The following UBE2W variants were observed in gnomAD, a reference collection of about 807,000 sequenced individuals.
The protein encoded by UBE2W is ubiquitin-conjugating enzyme E2 W.
A neutral mutation model predicts 27.2 loss-of-function variants in UBE2W; 18 were observed. The ratio of observed to expected loss-of-function variants is 0.66; its 90% confidence interval spans 0.46 to 0.98. The LOEUF (loss-of-function observed/expected upper bound fraction) is 0.98. Ranked by LOEUF, UBE2W falls within the 50% of genes least tolerant of loss-of-function variation. The pLI is 0.00. For synonymous variants in UBE2W, 53 were observed against 57.2 expected, an observed-to-expected ratio of 0.93 and a Z score of 0.33; for missense variants, 90 against 180.2, an observed-to-expected ratio of 0.50 and a Z score of 2.87.
chr8:73,811,656 T>C (rs1222192851), intron 3 of UBE2W, among the ~76,000 whole-genome samples: 1 of 152,176 alleles, frequency 6.6e-6, no homozygotes, highest in Non-Finnish European at 1.5e-5. Flanking sequence ...ATTTAGTAAG[T>C]ATAATTAGAT....
At chr8:73,838,847 A>G (rs1393408308) in intron 1 of UBE2W, among the ~76,000 whole-genome samples, 1 of 152,192 alleles carries the variant, frequency 6.6e-6, no homozygotes, top group East Asian at 1.9e-4. Context: ...TAACCTTTGT[A>G]ACATCACTTC....
At chr8:73,831,277 T>C (rs541263808) in intron 1 of UBE2W, 1 of 250,372 alleles carries the variant, frequency 4.0e-6, no homozygotes, top group Non-Finnish European at 7.8e-6. Context: ...GAAGAAAATA[T>C]TTTGTTTTGG....
Position 73,787,482 on chromosome 8 carries a change from T to A in UBE2W, c.*6620A>T. The A allele has an allele frequency of 5.1e-6, 5 of 985,416 alleles. No individual in the cohort carries two copies. Among genetic ancestry groups the A allele is most frequent in the Non-Finnish European group, 6.0e-6 (5 of 829,924 alleles). 61.0% of individuals were successfully genotyped at this position (985,416 alleles called of 1,614,324 possible). A position where few individuals can be genotyped will look rare whatever the true frequency, so the allele number is the denominator to read the frequency against. ...GATGGTTCATATATTTATCTAACCA[T>A]CTACTAACATAGTTGTGTAGGACGG... On this transcript the variant is annotated 3_prime_UTR_variant, in exon 6 of 6. Transcript: ENST00000602593.
chr8:73,836,323 G>C (rs1057436242), intron 1 of UBE2W, among the ~76,000 whole-genome samples: 7 of 152,204 alleles, frequency 4.6e-5, no homozygotes, highest in Non-Finnish European at 1.0e-4. Context: ...CTGAAATAGT[G>C]AGAGAGAAGG....
chr8:73,820,367 A>T (rs1210223250), intron 3 of UBE2W, among the ~76,000 whole-genome samples: 1 of 152,192 alleles, frequency 6.6e-6, no homozygotes, highest in Non-Finnish European at 1.5e-5. Context: ...CTGGCCTCAG[A>T]GTAGTTCTGC....
At chr8:73,812,375 T>C (rs1261544101) in intron 3 of UBE2W, among the ~76,000 whole-genome samples, 2 of 151,900 alleles carry the variant, frequency 1.3e-5, no homozygotes, top group African/African-American at 2.4e-5. Flanking sequence ...ATTACATCTA[T>C]CGGTGCTAGT....
rs1224323919 is a variant in UBE2W, at chr8:73,789,190, A to G, written c.*4912T>C. The G allele has an allele frequency of 3.0e-6, 3 of 984,592 alleles. No homozygotes were observed. In the African/African-American group the frequency reaches 5.3e-5, roughly 17 times the overall value. The allele number at this position is 984,592 out of a possible 1,614,324, so 61.0% of individuals were successfully genotyped here. A position where few individuals can be genotyped will look rare whatever the true frequency, so the allele number is the denominator to read the frequency against. On this transcript the variant is annotated 3_prime_UTR_variant, in exon 6 of 6. Coordinates refer to ENST00000602593, the MANE Select transcript of UBE2W (RefSeq NM_018299.6). ...AAACCTGTCTTAAATCGGCAAACAG[A>G]CGAGGCATGGTGGCTTGCACCTGTA...
At chr8:73,846,736 C>A (rs1490314933) in intron 1 of UBE2W, among the ~76,000 whole-genome samples, 2 of 152,140 alleles carry the variant, frequency 1.3e-5, no homozygotes, top group Non-Finnish European at 2.9e-5. Flanking sequence ...AGGCATTCAA[C>A]ACATAAATTT....
At chr8:73,814,486 G>A (rs932610713) in intron 3 of UBE2W, among the ~76,000 whole-genome samples, 2 of 152,130 alleles carry the variant, frequency 1.3e-5, no homozygotes, top group Admixed American at 1.3e-4. Flanking sequence ...ATCTTAGACC[G>A]AATGTACATG....
chr8:73,797,920 AC>A (rs923105432), intron 5 of UBE2W, among the ~76,000 whole-genome samples: 2 of 152,200 alleles, frequency 1.3e-5, no homozygotes, highest in Non-Finnish European at 2.9e-5. Context: ...ACATGACACC[AC>A]AAGTGGAAAA....
intron 1 of UBE2W, among the ~76,000 whole-genome samples, chr8:73,845,243 T>A (rs1174692501): frequency 1.3e-5 from 2 of 152,186 alleles, no homozygotes; most frequent in Non-Finnish European, 2.9e-5. Flanking sequence ...CGGGCCATGA[T>A]GACGATGGCG....
chr8:73,780,204 A>C (rs79264291), exon 5 of UBE2W: 8,166 of 175,734 alleles, frequency 0.046, 696 homozygotes, highest in African/African-American at 0.18. Flanking sequence ...AGGGAAGAAC[A>C]TTTCCCTGCC....
At chr8:73,826,688 A>G (rs977753454) in intron 2 of UBE2W, among the ~76,000 whole-genome samples, 11 of 152,222 alleles carry the variant, frequency 7.2e-5, no homozygotes, top group Admixed American at 1.3e-4. Flanking sequence ...GAAATTAGAC[A>G]GTTATAACTG....
chr8:73,847,033 G>C (rs1810835106), intron 1 of UBE2W, among the ~76,000 whole-genome samples: 1 of 152,100 alleles, frequency 6.6e-6, no homozygotes, highest in Non-Finnish European at 1.5e-5. Flanking sequence ...GCTGGGCGTG[G>C]TGGCACGCAC....
chr8:73,786,783 A>C lies in UBE2W; in HGVS notation c.*7319T>G. On this transcript the variant is annotated 3_prime_UTR_variant, in exon 6 of 6. Coordinates refer to ENST00000602593, the MANE Select transcript of UBE2W (RefSeq NM_018299.6). ...GGTAGAAATCTCAGAGACATTTTAA[A>C]GTTACACTCAACAGGACTTGAAAAA... The C allele has an allele frequency of 2.0e-6, 2 of 985,474 alleles. No homozygotes were observed. Among genetic ancestry groups the C allele is most frequent in the Non-Finnish European group, 2.4e-6 (2 of 829,930 alleles). 61.0% of individuals were successfully genotyped at this position (985,474 alleles called of 1,614,324 possible).
chr8:73,864,029 T>G (rs955052257), intron 1 of UBE2W, among the ~76,000 whole-genome samples: 2 of 151,582 alleles, frequency 1.3e-5, no homozygotes, highest in Non-Finnish European at 2.9e-5. Context: ...GAAACCTGGA[T>G]GTAGCAACAT....
rs575143393 is a variant in UBE2W at position 73,798,442 on chromosome 8, T to C, written c.443-4327A>G. Among the ~76,000 whole-genome samples the C allele has an allele frequency of 6.6e-5, 10 of 152,248 alleles. No homozygotes were observed. The East Asian group carries it at 1.7e-3, about 26-fold the overall frequency. ...TATGCAAATATTCGAGAAAAACAAA[T>C]TGAAACCCAAAACACTTCTGGTCCC... On this transcript the variant is annotated intron_variant, in intron 5 of 5. Transcript: ENST00000602593.
intron 1 of UBE2W, among the ~76,000 whole-genome samples, chr8:73,873,613 G>A (rs1053924457): frequency 3.3e-5 from 5 of 152,168 alleles, no homozygotes; most frequent in Admixed American, 6.5e-5. Flanking sequence ...CCAAGACCAC[G>A]TCACTGCACT....
intron 3 of UBE2W, among the ~76,000 whole-genome samples, chr8:73,819,595 A>G (rs1415853232): frequency 6.6e-6 from 1 of 152,240 alleles, no homozygotes; most frequent in African/African-American, 2.4e-5. Context: ...TGTACATAGA[A>G]AGCTATTTTC....
Sources: allele counts gnomAD v4.1 joint callset (sites outside exome capture counted in the v4.1 genomes callset), GRCh38; gene constraint gnomAD v4.1.1; transcripts MANE v1.5; gene names NCBI Gene and HGNC (gene_info 2026-07-23, HGNC 2026-07-21).